Variants in TRAPPC9 observed in about 807,000 individuals in gnomAD.
TRAPPC9 encodes trafficking protein particle complex subunit 9, also known as IKK2 binding protein.
Under a neutral mutation model 124.0 loss-of-function variants are expected in TRAPPC9, and 83 were observed. That is an observed-to-expected ratio of 0.67 (90% CI 0.56 to 0.80). The LOEUF (loss-of-function observed/expected upper bound fraction) is 0.80, where lower values mean the gene tolerates loss of function less well. Ranked by LOEUF, TRAPPC9 falls within the 30% of genes least tolerant of loss-of-function variation. TRAPPC9 has a pLI of 0.00. For synonymous variants in TRAPPC9, 638 were observed against 617.5 expected (o/e 1.03, Z -0.49); for missense variants, 1,302 against 1,508.3 (o/e 0.86, Z 2.27).
At chr8:140,381,526 G>C (rs532148643) in intron 7 of TRAPPC9, among the ~76,000 whole-genome samples, 5 of 151,260 alleles carry the variant, frequency 3.3e-5, no homozygotes, top group Non-Finnish European at 7.4e-5. Flanking sequence ...AAATTAGCTG[G>C]GTGTGGTGGC....
At chr8:140,211,758 T>C (rs889144992) in intron 17 of TRAPPC9, among the ~76,000 whole-genome samples, 2 of 152,200 alleles carry the variant, frequency 1.3e-5, no homozygotes, top group African/African-American at 4.8e-5. Context: ...GAAGAGAATC[T>C]TCAGGCAACC....
At chr8:140,243,641 A>AT (rs1166855471) in intron 16 of TRAPPC9, among the ~76,000 whole-genome samples, 1 of 152,208 alleles carries the variant, frequency 6.6e-6, no homozygotes, top group African/African-American at 2.4e-5. Context: ...CAGATGACTT[A>AT]AAGGACCAGG....
chr8:140,115,957 TG>T (rs1240853288), intron 17 of TRAPPC9, among the ~76,000 whole-genome samples: 1 of 152,106 alleles, frequency 6.6e-6, no homozygotes, highest in African/African-American at 2.4e-5. Flanking sequence ...TGATTATTAC[TG>T]GGGGAAGGAA....
At chr8:140,256,994 C>T (rs2064281540) in intron 15 of TRAPPC9, among the ~76,000 whole-genome samples, 1 of 152,130 alleles carries the variant, frequency 6.6e-6, no homozygotes, top group African/African-American at 2.4e-5. Flanking sequence ...CTGCTACTTC[C>T]ATTACAGAAC....
Position 140,353,173 on chromosome 8 carries a change from C to T in TRAPPC9, c.1495+6877G>A, listed in dbSNP as rs940967214. 7.2e-5 allele frequency among the ~76,000 whole-genome samples: 11 copies of T among 152,154 alleles called. No homozygotes were observed. The highest frequency in any genetic ancestry group is 2.4e-4 in the African/African-American group (10 of 41,426). On this transcript the variant is annotated intron_variant, in intron 9 of 22. Transcript: ENST00000438773. The surrounding 1 kb of genome is among the most constrained non-coding windows in gnomAD (Gnocchi z 4.2). ...ACCAAGCCCAGGAAATCATGTGCAA[C>T]GCAAACCATCTATACTCTAGCGTGA...
At chr8:139,780,923 C>T (rs940566964) in intron 21 of TRAPPC9, among the ~76,000 whole-genome samples, 16 of 152,106 alleles carry the variant, frequency 1.1e-4, no homozygotes, top group African/African-American at 3.9e-4. Context: ...TAAAAAGATG[C>T]TAAACATCAT....
At chr8:140,151,261 G>A (rs375250601) in intron 17 of TRAPPC9, among the ~76,000 whole-genome samples, 132 of 152,198 alleles carry the variant, frequency 8.7e-4, no homozygotes, top group African/African-American at 2.9e-3. Context: ...TCAGGCCTCC[G>A]GGCTCAGACT....
chr8:140,096,841 G>T (rs1170405308), intron 17 of TRAPPC9: 3 of 152,282 alleles, frequency 2.0e-5, no homozygotes, highest in African/African-American at 7.2e-5. Flanking sequence ...CCGTGAGGAA[G>T]TGTGGAAGGA....
intron 15 of TRAPPC9, among the ~76,000 whole-genome samples, chr8:140,253,736 C>T (rs763519995): frequency 4.6e-5 from 7 of 152,000 alleles, no homozygotes; most frequent in African/African-American, 1.7e-4. Context: ...GAAGGGCCTC[C>T]GGGGAGAGGT....
chr8:140,348,652 T>C (rs2067422263), intron 9 of TRAPPC9, among the ~76,000 whole-genome samples: 1 of 152,200 alleles, frequency 6.6e-6, no homozygotes, highest in South Asian at 2.1e-4. Context: ...CATTCAACTA[T>C]AGGTGACTGC....
chr8:139,792,048 C>T (rs973204635), intron 21 of TRAPPC9, among the ~76,000 whole-genome samples: 1 of 152,212 alleles, frequency 6.6e-6, no homozygotes, highest in Non-Finnish European at 1.5e-5. Flanking sequence ...ATAAAACAGG[C>T]TCTTGCCCGC....
chr8:140,319,300 C>T (rs12550069), intron 9 of TRAPPC9, among the ~76,000 whole-genome samples: 47,194 of 150,404 alleles, frequency 0.31, 8,163 homozygotes, highest in East Asian at 0.66. Context: ...CTCAGCCTCC[C>T]GAGTAGCTGG....
intron 7 of TRAPPC9, among the ~76,000 whole-genome samples, chr8:140,394,378 T>C (rs1270680775): frequency 6.6e-6 from 1 of 152,196 alleles, no homozygotes; most frequent in African/African-American, 2.4e-5. Flanking sequence ...AGTCACTTTA[T>C]GGGGCAGGCA....
chr8:139,814,465 C>G (rs1352555652), intron 21 of TRAPPC9, among the ~76,000 whole-genome samples: 1 of 152,130 alleles, frequency 6.6e-6, no homozygotes, highest in African/African-American at 2.4e-5. Context: ...AGGAAAAGGA[C>G]CCCGGGGCCC....
chr8:140,385,177 G>C (rs894517950), intron 7 of TRAPPC9, among the ~76,000 whole-genome samples: 1 of 152,188 alleles, frequency 6.6e-6, no homozygotes, highest in African/African-American at 2.4e-5. Flanking sequence ...GCAGTGTGTA[G>C]AGGGAAATTT....
At chr8:140,138,771 GCAAA>G (rs2130758484) in intron 17 of TRAPPC9, among the ~76,000 whole-genome samples, 1 of 152,252 alleles carries the variant, frequency 6.6e-6, no homozygotes, top group African/African-American at 2.4e-5. Flanking sequence ...CAAGTGGTAA[GCAAA>G]CAAACAGGTT....
intron 17 of TRAPPC9, among the ~76,000 whole-genome samples, chr8:140,131,312 G>A (rs1309876028): frequency 6.6e-6 from 1 of 152,184 alleles, no homozygotes; most frequent in East Asian, 1.9e-4. Flanking sequence ...TTTCCCTGCA[G>A]AAACATTACA....
chr8:140,224,565 C>T (rs573325160), intron 16 of TRAPPC9, among the ~76,000 whole-genome samples: 3 of 152,254 alleles, frequency 2.0e-5, no homozygotes, highest in South Asian at 2.1e-4. Flanking sequence ...AAGGGTAGAC[C>T]GTAAATAAAG....
Position 140,440,922 on chromosome 8 carries a change from C to A in TRAPPC9, c.585-1725G>T, listed in dbSNP as rs578046419. On this transcript the variant is annotated intron_variant, in intron 2 of 22. Coordinates refer to ENST00000438773, the MANE Select transcript of TRAPPC9 (RefSeq NM_001160372.4). ...TCAAGGAAGCCTTCCCTGACTCCAA[C>A]CTCTGCACTTTGGGTTAAGTGTCCT... is the stretch of plus-strand genomic sequence containing the variant. 3.0e-4 allele frequency among the ~76,000 whole-genome samples: 46 copies of A among 151,736 alleles called. 1 individual carries two copies. In the South Asian group the frequency reaches 9.2e-3, roughly 30 times the overall value.
Sources: allele counts gnomAD v4.1 joint callset (sites outside exome capture counted in the v4.1 genomes callset), GRCh38; gene constraint gnomAD v4.1.1; non-coding constraint Gnocchi (gnomAD v3.1); transcripts MANE v1.5; gene names NCBI Gene and HGNC (gene_info 2026-07-23, HGNC 2026-07-21).